Variants in MAP3K2 observed in about 807,000 individuals in gnomAD.
MAP3K2 encodes MAP/ERK kinase kinase 2.
A neutral mutation model predicts 80.3 loss-of-function variants in MAP3K2; 24 were observed. The ratio of observed to expected loss-of-function variants is 0.30; its 90% CI spans 0.22 to 0.42. The LOEUF (loss-of-function observed/expected upper bound fraction) is 0.42. Ranked by LOEUF, MAP3K2 falls within the 10% of genes least tolerant of loss-of-function variation. MAP3K2 has a pLI of 1.00. For missense variants in MAP3K2, 608 were observed against 750.1 expected (o/e 0.81, Z 2.21); for synonymous variants, 244 against 253.7 (o/e 0.96, Z 0.36).
chr2:127,369,225 C>T (rs1270758538), intron 1 of MAP3K2, among the ~76,000 whole-genome samples: 1 of 150,008 alleles, frequency 6.7e-6, no homozygotes, highest in Non-Finnish European at 1.5e-5. Context: ...ACTGGGATTA[C>T]AGGCATGAGC....
At position 127,335,544 on chromosome 2, in the gene MAP3K2, T is replaced by G. The variant is rs191194252; in HGVS notation, c.264+326A>C. On this transcript the variant is annotated intron_variant, in intron 5 of 16. Coordinates refer to ENST00000682094, the MANE Select transcript of MAP3K2 (RefSeq NM_001371910.2). ...CAAAGCTCTGTCATCTGTAGCCAAG[T>G]GTAGAGTATGAGAGGAAAAGACAGT... Among the ~76,000 whole-genome samples the G allele has an allele frequency of 2.3e-3, 357 of 152,254 alleles. 6 individuals are homozygous for G. The highest frequency in any genetic ancestry group is 7.7e-3 in the African/African-American group (318 of 41,536).
At chr2:127,327,624 T>C (rs1272204132) in intron 7 of MAP3K2, among the ~76,000 whole-genome samples, 1 of 151,870 alleles carries the variant, frequency 6.6e-6, no homozygotes, top group Non-Finnish European at 1.5e-5. Flanking sequence ...TTTTTCACAG[T>C]AATGCGTATG....
rs1686030709 is a variant in MAP3K2 at position 127,322,034 on chromosome 2, T to A, written c.1045+12A>T. On this transcript the variant is annotated intron_variant, in intron 12 of 16. Coordinates refer to ENST00000682094, the MANE Select transcript of MAP3K2 (RefSeq NM_001371910.2). The surrounding 1 kb of genome is among the most constrained non-coding windows in gnomAD (Gnocchi z 4.2). Reference sequence around the variant, plus strand: ...TGCTCTACATTTCACTATACCAAGTTCTATTACTTACAACGGCTGGGTGGG... The same window carrying A: ...TGCTCTACATTTCACTATACCAAGTACTATTACTTACAACGGCTGGGTGGG... 6.2e-7 allele frequency: 1 copy of A among 1,607,580 alleles called. No individual in the cohort carries two copies. Among genetic ancestry groups the A allele is most frequent in the African/African-American group, 1.3e-5 (1 of 74,972 alleles).
At chr2:127,384,213 G>GATATATATATATATATATATATATAT (rs35560058) in intron 1 of MAP3K2, among the ~76,000 whole-genome samples, 6 of 144,448 alleles carry the variant, frequency 4.2e-5, no homozygotes, top group African/African-American at 1.0e-4. Context: ...ATTTTTAATT[G>GATATATATATATATATATATATATAT]ATATATATAT....
At position 127,370,913 on chromosome 2, in the gene MAP3K2, C is replaced by T. The variant is rs183864850; in HGVS notation, c.-66+16539G>A. On this transcript the variant is annotated intron_variant, in intron 1 of 16. Transcript: ENST00000682094. ...AGGAAACGGAGGTTTTGCCTGAGCC[C>T]CCTCCTCCAATAAACTAGAAGAAAA... 1.3e-4 allele frequency among the ~76,000 whole-genome samples: 20 copies of T among 152,248 alleles called. No individual in the cohort carries two copies. In the East Asian group the frequency reaches 3.5e-3, roughly 26 times the overall value.
chr2:127,349,510 C>T (rs74825323), intron 1 of MAP3K2, among the ~76,000 whole-genome samples: 2,178 of 152,086 alleles, frequency 0.014, 63 homozygotes, highest in African/African-American at 0.05. Flanking sequence ...TCAAGGGCAA[C>T]CACTGTATTA....
At chr2:127,350,642 A>G (rs1420598487) in intron 1 of MAP3K2, among the ~76,000 whole-genome samples, 1 of 152,092 alleles carries the variant, frequency 6.6e-6, no homozygotes, top group East Asian at 1.9e-4. Context: ...AATTCAACCA[A>G]GAAAAATCAA....
At chr2:127,383,446 G>T (rs1687287172) in intron 1 of MAP3K2, among the ~76,000 whole-genome samples, 1 of 151,788 alleles carries the variant, frequency 6.6e-6, no homozygotes, top group Non-Finnish European at 1.5e-5. Context: ...TTCTTTTTTT[G>T]AAGATTGCTT....
chr2:127,303,660 CCTT>C lies in MAP3K2; in HGVS notation c.*3916_*3918del, dbSNP rs1298759203. On this transcript the variant is annotated 3_prime_UTR_variant, in exon 17 of 17. Transcript: ENST00000682094. ...CCATGTTCCTCCTAGATTGTGACCT[CCTT>C]AAGGATGTTAATTTAGTACCTGACA... The C allele has an allele frequency of 4.6e-5, 7 of 152,160 alleles. No individual in the cohort carries two copies. The highest frequency in any genetic ancestry group is 1.0e-4 in the Non-Finnish European group (7 of 68,018). The allele number at this position is 152,160 out of a possible 1,614,324, so 9.4% of individuals were successfully genotyped here.
At chr2:127,358,918 A>T (rs757763666) in intron 1 of MAP3K2, among the ~76,000 whole-genome samples, 4 of 109,068 alleles carry the variant, frequency 3.7e-5, no homozygotes, top group East Asian at 5.1e-4. Flanking sequence ...CCAAAACAAT[A>T]AAAAAAAAAA....
At chr2:127,315,244 G>T (rs1444586947) in intron 14 of MAP3K2, among the ~76,000 whole-genome samples, 2 of 152,202 alleles carry the variant, frequency 1.3e-5, no homozygotes, top group Admixed American at 6.5e-5. Flanking sequence ...GAATCAGTCT[G>T]AAGTGAGGAA....
At position 127,300,619 on chromosome 2, in the gene MAP3K2, G is replaced by C. The variant is rs1332680977; in HGVS notation, c.*6960C>G. 6.6e-6 allele frequency: 1 copy of C among 151,900 alleles called. No individual in the cohort carries two copies. The highest frequency in any genetic ancestry group is 2.4e-5 in the African/African-American group (1 of 41,346). 9.4% of individuals were successfully genotyped at this position (151,900 alleles called of 1,614,324 possible). A position where few individuals can be genotyped will look rare whatever the true frequency, so the allele number is the denominator to read the frequency against. ...ACTCTTATAATATTTCAGAATTCAG[G>C]GTAGCAAATTTTAAAACCAATAACA... On this transcript the variant is annotated 3_prime_UTR_variant, in exon 17 of 17. Coordinates refer to ENST00000682094, the MANE Select transcript of MAP3K2 (RefSeq NM_001371910.2).
rs1251643360 is a variant in MAP3K2 at position 127,387,812 on chromosome 2, G to A, written c.-426C>T. 3.0e-6 allele frequency: 3 copies of A among 985,088 alleles called. No individual in the cohort carries two copies. Among genetic ancestry groups the A allele is most frequent in the Non-Finnish European group, 3.6e-6 (3 of 829,810 alleles). The allele number at this position is 985,088 out of a possible 1,614,324, so 61.0% of individuals were successfully genotyped here. ...GCTAGAGACCGGAGAAGAGGCGGGA[G>A]TGGCGACTCTGCGGACAGGGGCGCC... On this transcript the variant is annotated 5_prime_UTR_variant, in exon 1 of 17. Coordinates refer to ENST00000682094, the MANE Select transcript of MAP3K2 (RefSeq NM_001371910.2).
intron 7 of MAP3K2, 34 bp from the exon 8 acceptor site, chr2:127,326,851 T>G (rs202202726): frequency 6.9e-7 from 1 of 1,442,298 alleles, no homozygotes; most frequent in African/African-American, 1.4e-5. Flanking sequence ...TTTATAATTA[T>G]AGGCAAGGGA....
Position 127,332,320 on chromosome 2 carries a change from CTTTT to C in MAP3K2, c.265-1819_265-1816del, listed in dbSNP as rs952723634. On this transcript the variant is annotated intron_variant, in intron 5 of 16. Coordinates refer to ENST00000682094, the MANE Select transcript of MAP3K2 (RefSeq NM_001371910.2). ...TTTGAGGGGAAAATCTGAATACTTA[CTTTT>C]ATTATTCATTTATAACTGGATTGTT... Among the ~76,000 whole-genome samples, 2 of 152,184 alleles carry C rather than the reference CTTTT, an allele frequency of 1.3e-5. 1 individual carries two copies. The highest frequency in any genetic ancestry group is 2.9e-5 in the Non-Finnish European group (2 of 68,016).
At chr2:127,373,192 G>T (rs373394209) in intron 1 of MAP3K2, among the ~76,000 whole-genome samples, 2 of 152,180 alleles carry the variant, frequency 1.3e-5, no homozygotes, top group Non-Finnish European at 2.9e-5. Flanking sequence ...CAGTAGAAAA[G>T]AATTTCCTAA....
rs772541296 is a variant in MAP3K2, at chr2:127,307,027, G to A, written c.*552C>T. On this transcript the variant is annotated 3_prime_UTR_variant, in exon 17 of 17. Coordinates refer to ENST00000682094, the MANE Select transcript of MAP3K2 (RefSeq NM_001371910.2). The surrounding 1 kb of genome is among the most constrained non-coding windows in gnomAD (Gnocchi z 5.4). ...ATCAAGACTCCTACTGAGCAAAAAG[G>A]TTGGTAGACAGAGGTTAGGATCTAA... 4.6e-5 allele frequency: 7 copies of A among 152,532 alleles called. No homozygotes were observed. The highest frequency in any genetic ancestry group is 1.0e-4 in the Non-Finnish European group (7 of 68,036). The allele number at this position is 152,532 out of a possible 1,614,324, so 9.4% of individuals were successfully genotyped here.
At chr2:127,309,998 A>T (rs945444643) in intron 15 of MAP3K2, among the ~76,000 whole-genome samples, 4 of 152,090 alleles carry the variant, frequency 2.6e-5, no homozygotes, top group Non-Finnish European at 5.9e-5. Flanking sequence ...GTAGCTACAT[A>T]AATTATTTGG....
chr2:127,300,757 G>C lies in MAP3K2; in HGVS notation c.*6822C>G, dbSNP rs960983497. 6.6e-6 allele frequency: 1 copy of C among 152,150 alleles called. No individual in the cohort carries two copies. The highest frequency in any genetic ancestry group is 1.5e-5 in the Non-Finnish European group (1 of 68,020). 9.4% of individuals were successfully genotyped at this position (152,150 alleles called of 1,614,324 possible). On this transcript the variant is annotated 3_prime_UTR_variant, in exon 17 of 17. Coordinates refer to ENST00000682094, the MANE Select transcript of MAP3K2 (RefSeq NM_001371910.2). Reference sequence around the variant, plus strand: ...TACTTTCAATTGAATAGGGTGTATTGCAAGAATTTGGCCCACTTCATATTG... The same window carrying C: ...TACTTTCAATTGAATAGGGTGTATTCCAAGAATTTGGCCCACTTCATATTG...
Sources: gnomAD v4.1 joint callset for allele counts (sites outside exome capture counted in the v4.1 genomes callset) on GRCh38, gnomAD v4.1.1 for gene constraint, Gnocchi (gnomAD v3.1) non-coding constraint, MANE v1.5 for transcripts, NCBI Gene and HGNC (gene_info 2026-07-23, HGNC 2026-07-21) for gene names.